Variants in ZSCAN12 observed in about 807,000 individuals in gnomAD.
ZSCAN12 encodes the protein zinc finger and SCAN domain containing 12, also known as zinc finger and SCAN domain-containing protein 12.
ZSCAN12 carries 18 observed loss-of-function variants against 23.4 expected under a neutral mutation model. That is an observed-to-expected ratio of 0.77 (90% CI 0.53 to 1.14). The LOEUF (loss-of-function observed/expected upper bound fraction) is 1.14, where lower values mean the gene tolerates loss of function less well. Among genes scored for constraint, ZSCAN12 ranks in the 50% most tolerant of loss-of-function variants. The pLI, the probability that ZSCAN12 is intolerant of heterozygous loss-of-function variation, is 0.00. For synonymous variants in ZSCAN12, 186 were observed against 253.4 expected (o/e 0.73, Z 2.53); for missense variants, 650 against 735.0 (o/e 0.88, Z 1.34).
chr6:28,381,166 C>T (rs1484570457), downstream of ZSCAN12: 1 of 152,132 alleles, frequency 6.6e-6, no homozygotes, highest in African/African-American at 2.4e-5. Context: ...AAGAGAAGAT[C>T]AGTTTGAATC....
rs766285213 is a variant in ZSCAN12, at chr6:28,391,361, G to T, written c.929C>A (p.Ala310Asp). ...RPYKCEECGK[A>D]FRGRTVLIRH... ...AATAAGCACAGTTCTCCCACGGAAAGCTTTTCCACATTCTTCGCATTTGTA... is the reference window on the plus strand; with the variant it reads ...AATAAGCACAGTTCTCCCACGGAAATCTTTTCCACATTCTTCGCATTTGTA... Residue 310 changes from alanine (A) to aspartate (D), a missense_variant, in exon 4 of 4, where the codon GCT becomes GAT. Ala to Asp is a moderately radical substitution (Grantham distance 126). Transcript: ENST00000684592. This position sits in a 1 kb window ranked among gnomAD's most constrained non-coding sequence, Gnocchi z 4.1. The T allele has an allele frequency of 3.9e-6, 6 of 1,551,620 alleles. No individual in the cohort carries two copies. The highest frequency in any genetic ancestry group is 2.4e-5 in the East Asian group (1 of 40,928).
intron 1 of ZSCAN12, among the ~76,000 whole-genome samples, chr6:28,399,448 C>T (rs906010879): frequency 3.3e-5 from 5 of 152,224 alleles, no homozygotes; most frequent in Admixed American, 2.6e-4. Context: ...ATGGGCCTTA[C>T]AGCCTGGAAT....
downstream of ZSCAN12, chr6:28,382,712 G>C: frequency 7.0e-7 from 1 of 1,434,568 alleles, no homozygotes; most frequent in Non-Finnish European, 9.1e-7. Context: ...ACGGAACTCT[G>C]TCAGGAAGGT....
downstream of ZSCAN12, chr6:28,380,523 CAT>C (rs993752053): frequency 3.9e-5 from 6 of 153,656 alleles, no homozygotes; most frequent in Admixed American, 1.3e-4. Flanking sequence ...GTCTCTCTCT[CAT>C]GTGGATTCTT....
At chr6:28,399,537 C>T (rs957613349) in intron 1 of ZSCAN12, 120 bp downstream of exon 1, 6 of 152,376 alleles carry the variant, frequency 3.9e-5, no homozygotes, top group Non-Finnish European at 8.8e-5. Flanking sequence ...CGCGGATCCG[C>T]CTGGGTTTGG....
downstream of ZSCAN12, among the ~76,000 whole-genome samples, chr6:28,384,115 TC>T (rs1215134895): frequency 1.3e-5 from 2 of 152,138 alleles, no homozygotes; most frequent in Non-Finnish European, 2.9e-5. Flanking sequence ...ACCATGGCAA[TC>T]CGTCTCTAGA....
chr6:28,396,319 A>C (rs376353124), intron 2 of ZSCAN12, among the ~76,000 whole-genome samples: 6 of 152,160 alleles, frequency 3.9e-5, no homozygotes, highest in Non-Finnish European at 7.3e-5. Context: ...TTGCATTCAC[A>C]GTGCCTAAAA....
chr6:28,385,480 T>G lies in ZSCAN12; in HGVS notation c.*4974A>C, dbSNP rs920133336. 6.6e-6 allele frequency among the ~76,000 whole-genome samples: 1 copy of G among 152,072 alleles called. No homozygotes were observed. Among genetic ancestry groups the G allele is most frequent in the African/African-American group, 2.4e-5 (1 of 41,388 alleles). On this transcript the variant is annotated 3_prime_UTR_variant, in exon 4 of 4. Transcript: ENST00000684592. ...CAGAATAATGACTGGAGATAAAAAG[T>G]TTTTACAGATAATTACTCAAGACAC...
downstream of ZSCAN12, chr6:28,381,542 A>C (rs934418282): frequency 6.6e-6 from 1 of 152,204 alleles, no homozygotes; most frequent in Non-Finnish European, 1.5e-5. Context: ...TCCCCTACAA[A>C]TATGGCTGAG....
In ZSCAN12 at chr6:28,398,259, G is replaced by T. The variant is rs1561965327; in HGVS notation, c.147C>A (p.Phe49Leu). The T allele has an allele frequency of 1.2e-6, 2 of 1,613,066 alleles. No individual in the cohort carries two copies. The highest frequency in any genetic ancestry group is 2.2e-5 in the South Asian group (2 of 90,912). ...THSREVFRQY[F>L]RQFCYQETSG... ...ATGTCTCCTGGTAGCAGAACTGTCT[G>T]AAGTACTGACGGAAGACCTCTCTGC... Residue 49 changes from phenylalanine (F) to leucine (L), a missense_variant, in exon 2 of 4, where the codon TTC becomes TTA. Transcript: ENST00000684592.
intron 2 of ZSCAN12, among the ~76,000 whole-genome samples, chr6:28,393,519 T>C (rs1480831315): frequency 4.1e-5 from 6 of 145,636 alleles, no homozygotes; most frequent in Non-Finnish European, 6.0e-5. Context: ...GGTGGGAGGA[T>C]TGCTTGAGGC....
Position 28,392,856 on chromosome 6 carries a change from G to A in ZSCAN12, c.547+46C>T, listed in dbSNP as rs757002163. ...GTACAAAAAAGCCCCAATGTCCTAT[G>A]TTACCCATCTTCCCCTTCCTCCCAA... is the stretch of plus-strand genomic sequence containing the variant. On this transcript the variant is annotated intron_variant, in intron 3 of 3. Coordinates refer to ENST00000684592, the MANE Select transcript of ZSCAN12 (RefSeq NM_001163391.2). 23 of 1,547,398 alleles carry A rather than the reference G, an allele frequency of 1.5e-5. No individual in the cohort carries two copies. The South Asian group carries it at 2.8e-4, about 19-fold the overall frequency.
rs138840568 is a variant in ZSCAN12 at position 28,399,341 on chromosome 6, C to T, written c.-69+316G>A. 9.2e-5 allele frequency among the ~76,000 whole-genome samples: 14 copies of T among 152,300 alleles called. No individual in the cohort carries two copies. In the East Asian group the frequency reaches 2.5e-3, roughly 27 times the overall value. On this transcript the variant is annotated intron_variant, in intron 1 of 3. Coordinates refer to ENST00000684592, the MANE Select transcript of ZSCAN12 (RefSeq NM_001163391.2). ...AGTGAGGAAGGCCCAGGAAAGGGTC[C>T]CTAGGACGCCGGCGAGCGTCTGTGA...
At position 28,398,486 on chromosome 6, in the gene ZSCAN12, C is replaced by G; in HGVS notation, c.-68-13G>C. 2.2e-6 allele frequency: 3 copies of G among 1,368,860 alleles called. 1 individual carries two copies. In the South Asian group the frequency reaches 4.9e-5, roughly 22 times the overall value. 84.8% of individuals were successfully genotyped at this position (1,368,860 alleles called of 1,614,324 possible). ...TTCCTGGACAGTCCTGAAGAATAAG[C>G]CATCATTATTAATACAAACTCCACC... On this transcript the variant is annotated splice_polypyrimidine_tract_variant and intron_variant, in intron 1 of 3. Transcript: ENST00000684592.
At chr6:28,383,818 C>T (rs1041968774), downstream of ZSCAN12, among the ~76,000 whole-genome samples, 1 of 152,122 alleles carries the variant, frequency 6.6e-6, no homozygotes, top group Admixed American at 6.5e-5. Context: ...TATCTCAGGG[C>T]TAGGAGGACT....
downstream of ZSCAN12, chr6:28,382,748 C>T (rs1282514554): frequency 2.2e-6 from 3 of 1,367,238 alleles, no homozygotes; most frequent in Non-Finnish European, 2.9e-6. Context: ...GCAAAAGTGA[C>T]TGCAAATTAT....
intron 2 of ZSCAN12, 100 bp downstream of exon 2, chr6:28,397,904 T>G: frequency 7.2e-7 from 1 of 1,385,456 alleles, no homozygotes; most frequent in Non-Finnish European, 9.5e-7. Flanking sequence ...TGCACCAAAC[T>G]GTCAAAAACA....
chr6:28,381,681 T>C (rs1294151828), downstream of ZSCAN12: 2 of 152,206 alleles, frequency 1.3e-5, no homozygotes, highest in Non-Finnish European at 2.9e-5. Flanking sequence ...TCTCCAGAGA[T>C]GCTCTCTCAT....
rs199865026 is a variant in ZSCAN12, at chr6:28,391,643, T to C, written c.647A>G (p.Asp216Gly). 1.3e-5 allele frequency: 20 copies of C among 1,551,864 alleles called. No homozygotes were observed. Among genetic ancestry groups the C allele is most frequent in the Admixed American group, 3.9e-5 (2 of 50,972 alleles). ...TCCACACCTAGCAGACTTGGACATATCATTTTCAAATTTACTGGATGTCTT... is the reference window on the plus strand; with the variant it reads ...TCCACACCTAGCAGACTTGGACATACCATTTTCAAATTTACTGGATGTCTT... ...HGKTSSKFENDMSKSARCGET... is the reference protein window; with the variant it reads ...HGKTSSKFENGMSKSARCGET... The change falls in exon 4 of 4, where the codon GAT becomes GGT. Residue 216 changes from aspartate to glycine, a missense_variant. By Grantham distance (94) the Asp-to-Gly change is moderately conservative (BLOSUM62 -1). Coordinates refer to ENST00000684592, the MANE Select transcript of ZSCAN12 (RefSeq NM_001163391.2). This position sits in a 1 kb window ranked among gnomAD's most constrained non-coding sequence, Gnocchi z 4.1.
Sources: gnomAD v4.1 joint callset for allele counts (sites outside exome capture counted in the v4.1 genomes callset) on GRCh38, gnomAD v4.1.1 for gene constraint, Gnocchi (gnomAD v3.1) non-coding constraint, MANE v1.5 for transcripts, NCBI Gene and HGNC (gene_info 2026-07-23, HGNC 2026-07-21) for gene names.